MTA3: variants seen among roughly 807,000 people sequenced by gnomAD.
MTA3 encodes metastasis-associated protein MTA3.
A neutral mutation model predicts 83.5 loss-of-function variants in MTA3; 34 were observed. That is an observed-to-expected ratio of 0.41 (90% CI 0.31 to 0.54). The LOEUF is 0.54. MTA3 is among the 20% of genes least tolerant of loss of function. The pLI is 0.33. For synonymous variants in MTA3, 303 were observed against 252.7 expected (o/e 1.20, Z -1.89); for missense variants, 761 against 726.4 (o/e 1.05, Z -0.55).
intron 3 of MTA3, among the ~76,000 whole-genome samples, chr2:42,608,938 G>T (rs1000441495): frequency 1.6e-4 from 24 of 152,012 alleles, no homozygotes; most frequent in African/African-American, 5.5e-4. Context: ...GTATATTTTT[G>T]GGGTACCATC....
intron 4 of MTA3, among the ~76,000 whole-genome samples, chr2:42,632,386 A>G (rs1358367270): frequency 6.6e-6 from 1 of 151,944 alleles, no homozygotes; most frequent in Non-Finnish European, 1.5e-5. Context: ...CACCGCGCCC[A>G]GCCCCCAGCT....
At chr2:42,692,818 A>C (rs1693024536) in intron 9 of MTA3, among the ~76,000 whole-genome samples, 1 of 152,184 alleles carries the variant, frequency 6.6e-6, no homozygotes, top group South Asian at 2.1e-4. Context: ...TGGTGAGGTC[A>C]TATTTTCCTG....
At chr2:42,541,561 C>T (rs911338147) in intron 2 of MTA3, among the ~76,000 whole-genome samples, 4 of 152,150 alleles carry the variant, frequency 2.6e-5, no homozygotes, top group African/African-American at 9.7e-5. Flanking sequence ...ACTATGTGTT[C>T]TGAGTGTGTT....
At chr2:42,653,641 TGTTA>T (rs933124537) in intron 6 of MTA3, among the ~76,000 whole-genome samples, 48 of 152,200 alleles carry the variant, frequency 3.2e-4, no homozygotes, top group Admixed American at 2.4e-3. Context: ...GTGTTTTTGG[TGTTA>T]GTTTAAATGC....
rs200004351 is a variant in MTA3, at chr2:42,609,464, T to C, written c.197T>C (p.Ile66Thr). 380 of 1,613,394 alleles carry C rather than the reference T, an allele frequency of 2.4e-4. No individual in the cohort carries two copies. Among genetic ancestry groups the C allele is most frequent in the Non-Finnish European group, 2.9e-4 (347 of 1,179,664 alleles). ...IMLADKHAKE[I>T]EEESETTVEA... ...TTGAATTTTATTTGTGTAGAAGAAATTGAGGAAGAATCTGAAACAACAGTT... is the reference window on the plus strand; with the variant it reads ...TTGAATTTTATTTGTGTAGAAGAAACTGAGGAAGAATCTGAAACAACAGTT... The change falls in exon 4 of 17, where the codon ATT becomes ACT. Residue 66 changes from isoleucine (I) to threonine (T), a missense_variant. Transcript: ENST00000405094.
At chr2:42,683,771 C>T (rs1319030906) in intron 9 of MTA3, among the ~76,000 whole-genome samples, 5 of 152,068 alleles carry the variant, frequency 3.3e-5, no homozygotes, top group African/African-American at 1.2e-4. Flanking sequence ...CGGGGCAGAC[C>T]TCAGGGGGCA....
At position 42,756,113 on chromosome 2, in the gene MTA3, C is replaced by T; in HGVS notation, c.*2714C>T. On this transcript the variant is annotated 3_prime_UTR_variant, in exon 17 of 17. Transcript: ENST00000405094. Reference sequence around the variant, plus strand: ...AGAGGCAAAACAGGGGAGTGAGGGGCAACCCAGAGGTGGGGAACAACAACA... The same window carrying T: ...AGAGGCAAAACAGGGGAGTGAGGGGTAACCCAGAGGTGGGGAACAACAACA... 1.3e-6 allele frequency: 1 copy of T among 755,254 alleles called. No individual in the cohort carries two copies. The highest frequency in any genetic ancestry group is 1.6e-6 in the Non-Finnish European group (1 of 619,498). The allele number at this position is 755,254 out of a possible 1,614,324, so 46.8% of individuals were successfully genotyped here.
intron 2 of MTA3, among the ~76,000 whole-genome samples, chr2:42,520,500 C>G (rs1675375476): frequency 6.6e-6 from 1 of 152,130 alleles, no homozygotes; most frequent in Non-Finnish European, 1.5e-5. Flanking sequence ...GGATTGCTTC[C>G]TTCGTGACCC....
At chr2:42,550,645 A>C (rs1430863441) in intron 2 of MTA3, among the ~76,000 whole-genome samples, 9 of 152,174 alleles carry the variant, frequency 5.9e-5, no homozygotes, top group Non-Finnish European at 1.5e-5. Context: ...GAGACTGGGA[A>C]GGGGAACTGG....
At chr2:42,695,958 A>G (rs1558592044) in intron 10 of MTA3, 119 bp downstream of exon 10, 2 of 602,188 alleles carry the variant, frequency 3.3e-6, no homozygotes, top group Non-Finnish European at 5.8e-6. Flanking sequence ...TTTCCAGACT[A>G]CTTTAAACTA....
At chr2:42,718,440 T>C (rs1667179858) in intron 14 of MTA3, among the ~76,000 whole-genome samples, 2 of 150,880 alleles carry the variant, frequency 1.3e-5, no homozygotes, top group Admixed American at 6.6e-5. Flanking sequence ...GAGATGGGGT[T>C]TCTCCATGTT....
At chr2:42,612,815 CG>C (rs1684389389) in intron 4 of MTA3, among the ~76,000 whole-genome samples, 1 of 152,000 alleles carries the variant, frequency 6.6e-6, no homozygotes, top group Admixed American at 6.6e-5. Flanking sequence ...GAGCCAAGAT[CG>C]CACTACTGTA....
chr2:42,635,126 A>G (rs962675979), intron 4 of MTA3, among the ~76,000 whole-genome samples: 2 of 152,202 alleles, frequency 1.3e-5, no homozygotes, highest in African/African-American at 4.8e-5. Flanking sequence ...TTCTCTCAGA[A>G]TTTTGAATCT....
chr2:42,645,390 T>C (rs533368514), intron 6 of MTA3, among the ~76,000 whole-genome samples: 1 of 152,182 alleles, frequency 6.6e-6, no homozygotes, highest in African/African-American at 2.4e-5. Context: ...CCAAGTGTGA[T>C]GGTGTGTGCC....
intron 10 of MTA3, 108 bp from the exon 11 acceptor site, chr2:42,697,668 T>G: frequency 1.3e-6 from 1 of 745,272 alleles, no homozygotes; most frequent in African/African-American, 1.8e-5. Flanking sequence ...AAGATGGTAA[T>G]TTTTGAATTA....
chr2:42,547,546 G>A (rs1250912260), intron 2 of MTA3, among the ~76,000 whole-genome samples: 1 of 152,242 alleles, frequency 6.6e-6, no homozygotes, highest in East Asian at 1.9e-4. Flanking sequence ...GGCCAGGCTA[G>A]TCTTGAACTC....
At chr2:42,590,631 T>G (rs1164241220) in intron 3 of MTA3, among the ~76,000 whole-genome samples, 2 of 55,660 alleles carry the variant, frequency 3.6e-5, no homozygotes, top group Non-Finnish European at 7.0e-5. Flanking sequence ...TTTTTTTTTT[T>G]TGTGAGGTGG....
intron 4 of MTA3, among the ~76,000 whole-genome samples, chr2:42,616,133 T>G (rs1438471389): frequency 6.6e-6 from 1 of 151,746 alleles, no homozygotes; most frequent in East Asian, 1.9e-4. Context: ...TGATCTCGGC[T>G]CACTGCAACT....
At chr2:42,503,421 A>G (rs573048264) in intron 2 of MTA3, among the ~76,000 whole-genome samples, 3 of 152,192 alleles carry the variant, frequency 2.0e-5, no homozygotes, top group East Asian at 1.9e-4. Context: ...ATCTTGTGCC[A>G]ACCTCCTATC....
Sources: gnomAD v4.1 joint callset for allele counts (sites outside exome capture counted in the v4.1 genomes callset) on GRCh38, gnomAD v4.1.1 for gene constraint, MANE v1.5 for transcripts, NCBI Gene and HGNC (gene_info 2026-07-23, HGNC 2026-07-21) for gene names.